Variants in SPOCK1 observed in about 807,000 individuals in gnomAD.
The protein encoded by SPOCK1 is testican-1.
Under a neutral mutation model 55.3 loss-of-function variants are expected in SPOCK1, and 23 were observed. The observed-to-expected ratio is 0.42, with a 90% CI of 0.30 to 0.59. SPOCK1 has a LOEUF of 0.59. SPOCK1 is among the 20% of genes least tolerant of loss of function. The probability of loss-of-function intolerance (pLI) is 0.22; values close to 1 mark genes in which losing one functional copy is unlikely to be tolerated. For synonymous variants in SPOCK1, 226 were observed against 221.0 expected (o/e 1.02, Z -0.20); for missense variants, 499 against 552.5 (o/e 0.90, Z 0.97).
At chr5:137,183,969 C>T (rs184837874) in intron 3 of SPOCK1, among the ~76,000 whole-genome samples, 1 of 152,208 alleles carries the variant, frequency 6.6e-6, no homozygotes. Context: ...AGGAGACAAT[C>T]CAGCCAACAC....
intron 2 of SPOCK1, among the ~76,000 whole-genome samples, chr5:137,358,306 C>T (rs1246545057): frequency 6.6e-6 from 1 of 151,816 alleles, no homozygotes; most frequent in African/African-American, 2.4e-5. Context: ...TGCCCAACTC[C>T]CAGAAGAGGA....
chr5:137,395,633 T>A (rs1751828107), intron 2 of SPOCK1, among the ~76,000 whole-genome samples: 1 of 152,206 alleles, frequency 6.6e-6, no homozygotes. Flanking sequence ...CTACATTATG[T>A]GTGCCCTGGA....
chr5:136,987,809 G>A (rs1034749913), intron 8 of SPOCK1, among the ~76,000 whole-genome samples: 6 of 152,180 alleles, frequency 3.9e-5, no homozygotes, highest in African/African-American at 1.4e-4. Context: ...CCCAGACAGA[G>A]GGAGGTAAAG....
chr5:137,455,238 A>G (rs1753339130), intron 2 of SPOCK1, among the ~76,000 whole-genome samples: 2 of 152,164 alleles, frequency 1.3e-5, no homozygotes, highest in African/African-American at 2.4e-5. Flanking sequence ...ATCTGGGTCT[A>G]TTCACAAATA....
intron 3 of SPOCK1, among the ~76,000 whole-genome samples, chr5:137,237,654 CAA>C: frequency 6.6e-6 from 1 of 152,324 alleles, no homozygotes; most frequent in African/African-American, 2.4e-5. Flanking sequence ...TGCCCTTATT[CAA>C]AGAGTCAACG....
At chr5:137,087,293 G>T (rs1350172815) in intron 5 of SPOCK1, among the ~76,000 whole-genome samples, 2 of 152,156 alleles carry the variant, frequency 1.3e-5, no homozygotes, top group Non-Finnish European at 2.9e-5. Flanking sequence ...TGGAGGAATA[G>T]GTCTGGGCAT....
At chr5:137,237,444 G>C (rs1159670327) in intron 3 of SPOCK1, among the ~76,000 whole-genome samples, 1 of 152,180 alleles carries the variant, frequency 6.6e-6, no homozygotes, top group African/African-American at 2.4e-5. Context: ...CTCCTAAAAT[G>C]AAGCCTAACC....
At chr5:137,086,976 C>T (rs1752972014) in intron 5 of SPOCK1, among the ~76,000 whole-genome samples, 1 of 152,130 alleles carries the variant, frequency 6.6e-6, no homozygotes, top group Non-Finnish European at 1.5e-5. Context: ...CGGGATAATA[C>T]AAGATAGAGC....
intron 2 of SPOCK1, among the ~76,000 whole-genome samples, chr5:137,342,174 G>C (rs926343611): frequency 1.3e-5 from 2 of 152,226 alleles, no homozygotes; most frequent in Admixed American, 1.3e-4. Context: ...GATAGTGTCT[G>C]AGTTAGACCT....
intron 2 of SPOCK1, among the ~76,000 whole-genome samples, chr5:137,273,730 T>C (rs982754695): frequency 1.3e-5 from 2 of 152,140 alleles, no homozygotes. Flanking sequence ...GAATTTCAAA[T>C]GAGTAATTGC....
At chr5:137,442,364 G>A (rs1055605673) in intron 2 of SPOCK1, among the ~76,000 whole-genome samples, 2 of 152,190 alleles carry the variant, frequency 1.3e-5, no homozygotes, top group Non-Finnish European at 2.9e-5. Context: ...AACTGGGAAG[G>A]CCAGGGAGAA....
intron 5 of SPOCK1, among the ~76,000 whole-genome samples, chr5:137,111,910 C>T (rs1753482541): frequency 2.0e-5 from 3 of 152,154 alleles, no homozygotes; most frequent in Admixed American, 2.0e-4. Context: ...ACACTTGTCC[C>T]TACCCCCATT....
chr5:137,425,133 T>A (rs1345163837), intron 2 of SPOCK1, among the ~76,000 whole-genome samples: 1 of 152,210 alleles, frequency 6.6e-6, no homozygotes, highest in Non-Finnish European at 1.5e-5. Flanking sequence ...TATTGACTAC[T>A]TCTAAAGTGC....
At chr5:137,273,661 C>T (rs975685164) in intron 2 of SPOCK1, among the ~76,000 whole-genome samples, 3 of 152,050 alleles carry the variant, frequency 2.0e-5, no homozygotes, top group African/African-American at 7.3e-5. Flanking sequence ...TCATTGCTGC[C>T]GAACAGCTAG....
chr5:137,385,290 G>A (rs1751575793), intron 2 of SPOCK1, among the ~76,000 whole-genome samples: 2 of 152,116 alleles, frequency 1.3e-5, no homozygotes, highest in African/African-American at 4.8e-5. Flanking sequence ...TGGTCTCAGT[G>A]TCAAGATCAT....
chr5:137,439,628 T>C (rs1752946234), intron 2 of SPOCK1, among the ~76,000 whole-genome samples: 1 of 152,156 alleles, frequency 6.6e-6, no homozygotes, highest in South Asian at 2.1e-4. Flanking sequence ...CCTCACAGGG[T>C]CTGTTAATTG....
chr5:137,098,280 C>G (rs915604936), intron 5 of SPOCK1, among the ~76,000 whole-genome samples: 1 of 152,236 alleles, frequency 6.6e-6, no homozygotes, highest in African/African-American at 2.4e-5. Context: ...TCGGACACTG[C>G]TGCACCCAGC....
chr5:137,086,803 G>T (rs1201482475), intron 5 of SPOCK1, among the ~76,000 whole-genome samples: 1 of 152,180 alleles, frequency 6.6e-6, no homozygotes, highest in Non-Finnish European at 1.5e-5. Flanking sequence ...ATAGGGAAAA[G>T]AAACACTTAG....
rs1750630967 is a variant in SPOCK1, at chr5:136,977,052, A to G, written c.*1602T>C. On this transcript the variant is annotated 3_prime_UTR_variant, in exon 11 of 11. Transcript: ENST00000394945. ...AAGGCAAGAGATAGATATGTGGGCC[A>G]GAGAGGCTTGCTTGGGTGGCTGATT... 1 of 152,366 alleles carries G rather than the reference A, an allele frequency of 6.6e-6. No individual in the cohort carries two copies. The highest frequency in any genetic ancestry group is 1.5e-5 in the Non-Finnish European group (1 of 68,114). 9.4% of individuals were successfully genotyped at this position (152,366 alleles called of 1,614,324 possible).
Sources: gnomAD v4.1 joint callset for allele counts (sites outside exome capture counted in the v4.1 genomes callset) on GRCh38, gnomAD v4.1.1 for gene constraint, MANE v1.5 for transcripts, NCBI Gene and HGNC (gene_info 2026-07-23, HGNC 2026-07-21) for gene names.